TENM2: variants seen among roughly 807,000 people sequenced by gnomAD.
TENM2 encodes teneurin transmembrane protein 2, also known as teneurin-2.
In TENM2, 52 loss-of-function variants were observed where a neutral mutation model predicts 245.2. That is an observed-to-expected ratio of 0.21 (90% CI 0.17 to 0.27). The LOEUF (loss-of-function observed/expected upper bound fraction) is 0.27, where lower values mean the gene tolerates loss of function less well. TENM2 is among the 10% of genes least tolerant of loss of function. TENM2 has a pLI of 1.00. For synonymous variants in TENM2, 1,363 were observed against 1,438.9 expected, an observed-to-expected ratio of 0.95 and a Z score of 1.19; for missense variants, 3,046 against 3,666.8, an observed-to-expected ratio of 0.83 and a Z score of 4.37.
At chr5:168,022,188 G>C (rs1786209798) in intron 5 of TENM2, among the ~76,000 whole-genome samples, 1 of 152,240 alleles carries the variant, frequency 6.6e-6, no homozygotes, top group African/African-American at 2.4e-5. Flanking sequence ...CAGGCACCGT[G>C]CCGGGGGCTG....
the TENM2 span, among the ~76,000 whole-genome samples, chr5:167,059,957 C>G: frequency 3.3e-5 from 5 of 152,064 alleles, no homozygotes; most frequent in Admixed American, 2.6e-4. Flanking sequence ...CCAGTCTCAG[C>G]CTCCCAAAGT....
intron 4 of TENM2, among the ~76,000 whole-genome samples, chr5:167,959,995 A>C (rs1234728767): frequency 6.6e-6 from 1 of 152,102 alleles, no homozygotes; most frequent in Non-Finnish European, 1.5e-5. Flanking sequence ...TCCACTCCAC[A>C]CCCTATTTGC....
chr5:167,196,161 C>T, the TENM2 span, among the ~76,000 whole-genome samples: 934 of 152,052 alleles, frequency 6.1e-3, 11 homozygotes, highest in African/African-American at 0.021. Context: ...TGTTACTGTA[C>T]TGAATAGTAT....
At chr5:168,124,887 C>T (rs746837423) in exon 11 of TENM2, 1 of 1,613,102 alleles carries the variant, frequency 6.2e-7, no homozygotes, top group Non-Finnish European at 8.5e-7. Flanking sequence ...GCCACGGAGT[C>T]TGTGTGAATG....
At chr5:168,132,712 A>G (rs1754700658) in intron 12 of TENM2, among the ~76,000 whole-genome samples, 1 of 152,264 alleles carries the variant, frequency 6.6e-6, no homozygotes, top group African/African-American at 2.4e-5. Context: ...CCAGGCTCAA[A>G]GAAAGGGGAC....
intron 2 of TENM2, among the ~76,000 whole-genome samples, chr5:167,581,675 G>C (rs1775104630): frequency 6.6e-6 from 1 of 152,128 alleles, no homozygotes; most frequent in South Asian, 2.1e-4. Flanking sequence ...GAGAGAGACA[G>C]AGAGAATAAA....
intron 3 of TENM2, among the ~76,000 whole-genome samples, chr5:167,883,794 C>G (rs556138016): frequency 1.3e-5 from 2 of 152,336 alleles, no homozygotes; most frequent in African/African-American, 4.8e-5. Context: ...TCAATTCTAA[C>G]TAGCTTCCTG....
chr5:167,161,066 G>T, the TENM2 span, among the ~76,000 whole-genome samples: 20 of 152,340 alleles, frequency 1.3e-4, no homozygotes, highest in African/African-American at 4.8e-4. Context: ...AAAAAGGTAT[G>T]TGTGTTCAAA....
the TENM2 span, among the ~76,000 whole-genome samples, chr5:167,172,843 C>G: frequency 6.6e-6 from 1 of 151,958 alleles, no homozygotes; most frequent in Non-Finnish European, 1.5e-5. Flanking sequence ...CTCAAATGAG[C>G]TTTCATTTTT....
chr5:167,917,568 G>A (rs945581278), intron 3 of TENM2, among the ~76,000 whole-genome samples: 11 of 152,162 alleles, frequency 7.2e-5, no homozygotes, highest in Non-Finnish European at 1.3e-4. Flanking sequence ...CTGCTTGCTT[G>A]TGACCTTGAA....
At chr5:167,020,826 T>G in the TENM2 span, among the ~76,000 whole-genome samples, 1 of 152,194 alleles carries the variant, frequency 6.6e-6, no homozygotes, top group African/African-American at 2.4e-5. Context: ...AAAAAAGATA[T>G]TAAAGGGATG....
intron 2 of TENM2, among the ~76,000 whole-genome samples, chr5:167,494,444 A>G (rs1768654682): frequency 6.6e-6 from 1 of 152,084 alleles, no homozygotes; most frequent in Non-Finnish European, 1.5e-5. Flanking sequence ...TAAAAAGTCA[A>G]CCCAAGGGCA....
At chr5:167,298,392 A>G (rs1412150054) in intron 1 of TENM2, among the ~76,000 whole-genome samples, 1 of 152,226 alleles carries the variant, frequency 6.6e-6, no homozygotes, top group Non-Finnish European at 1.5e-5. Flanking sequence ...TCACGAGGTC[A>G]GGAGATTGAG....
intron 2 of TENM2, among the ~76,000 whole-genome samples, chr5:167,603,879 G>A (rs278007): frequency 0.66 from 99,633 of 151,918 alleles, 32,872 homozygotes; most frequent in Middle Eastern, 0.74. Flanking sequence ...GAAAAATGTT[G>A]TAAGTACCTG....
chr5:167,058,369 A>G, the TENM2 span, among the ~76,000 whole-genome samples: 3 of 152,224 alleles, frequency 2.0e-5, no homozygotes, highest in Non-Finnish European at 4.4e-5. Context: ...GGTGCAATAT[A>G]TGATGACTTT....
At chr5:167,621,728 G>C (rs558121283) in intron 2 of TENM2, among the ~76,000 whole-genome samples, 1 of 152,256 alleles carries the variant, frequency 6.6e-6, no homozygotes, top group East Asian at 1.9e-4. Context: ...CAATTAACAA[G>C]TATATTGGAT....
the TENM2 span, among the ~76,000 whole-genome samples, chr5:167,207,217 G>C: frequency 6.6e-6 from 1 of 152,140 alleles, no homozygotes; most frequent in Non-Finnish European, 1.5e-5. Context: ...CCCATGGACT[G>C]GGAACCTTTG....
intron 2 of TENM2, among the ~76,000 whole-genome samples, chr5:167,738,588 T>C (rs550727255): frequency 4.6e-5 from 7 of 152,196 alleles, no homozygotes; most frequent in African/African-American, 1.7e-4. Context: ...GTGATTATAT[T>C]ATTTTTCTAG....
the TENM2 span, among the ~76,000 whole-genome samples, chr5:167,207,421 G>T: frequency 1.3e-5 from 2 of 152,192 alleles, no homozygotes. Flanking sequence ...AAGCAAGTTG[G>T]AAATCTGGGT....
Sources: gnomAD v4.1 joint callset for allele counts (sites outside exome capture counted in the v4.1 genomes callset) on GRCh38, gnomAD v4.1.1 for gene constraint, MANE v1.5 for transcripts, NCBI Gene and HGNC (gene_info 2026-07-23, HGNC 2026-07-21) for gene names.